MTCL3: variants seen among roughly 807,000 people sequenced by gnomAD.
MTCL3 encodes MTCL family member 3, also known as microtubule cross-linking factor 3.
the MTCL3 span, chr6:127,475,596 G>C: frequency 2.5e-6 from 4 of 1,604,028 alleles, no homozygotes; most frequent in Non-Finnish European, 3.4e-6. This position sits in a 1 kb window ranked among gnomAD's most constrained non-coding sequence, Gnocchi z 7.3. Context: ...GCTGCCGATC[G>C]GAGAAGCTCT....
chr6:127,476,141 C>G, the MTCL3 span: 5 of 1,614,154 alleles, frequency 3.1e-6, no homozygotes, highest in Non-Finnish European at 3.4e-6. The surrounding 1 kb of genome is among the most constrained non-coding windows in gnomAD (Gnocchi z 4.4). Context: ...TTGGCCGAGC[C>G]GTTGAAGTCA....
chr6:127,494,702 G>A, the MTCL3 span, among the ~76,000 whole-genome samples: 1 of 152,144 alleles, frequency 6.6e-6, no homozygotes, highest in Non-Finnish European at 1.5e-5. Flanking sequence ...TTGGAGCAGG[G>A]TATGGGTTAT....
At chr6:127,491,174 C>T in the MTCL3 span, among the ~76,000 whole-genome samples, 1 of 152,198 alleles carries the variant, frequency 6.6e-6, no homozygotes, top group Non-Finnish European at 1.5e-5. Context: ...CATAAACTTC[C>T]TTCATAAAAC....
the MTCL3 span, chr6:127,476,056 T>C: frequency 1.2e-6 from 2 of 1,613,162 alleles, no homozygotes; most frequent in Non-Finnish European, 1.7e-6. The surrounding 1 kb of genome is among the most constrained non-coding windows in gnomAD (Gnocchi z 4.4). Context: ...CCGCAGCAGC[T>C]CCGTCTCGTC....
chr6:127,494,645 A>C, the MTCL3 span, among the ~76,000 whole-genome samples: 1 of 152,240 alleles, frequency 6.6e-6, no homozygotes, highest in African/African-American at 2.4e-5. Flanking sequence ...CTACCAGTGA[A>C]GTAGTTTATG....
At chr6:127,516,862 C>T in the MTCL3 span, among the ~76,000 whole-genome samples, 8 of 152,314 alleles carry the variant, frequency 5.3e-5, no homozygotes, top group Non-Finnish European at 1.0e-4. Flanking sequence ...TGTCAATTCT[C>T]ATTTTGCCCA....
chr6:127,506,331 T>A, the MTCL3 span, among the ~76,000 whole-genome samples: 1 of 152,284 alleles, frequency 6.6e-6, no homozygotes, highest in South Asian at 2.1e-4. Context: ...ATGGATTTTC[T>A]TCATGATTGC....
chr6:127,486,582 A>T, the MTCL3 span, among the ~76,000 whole-genome samples: 2 of 152,180 alleles, frequency 1.3e-5, no homozygotes, highest in African/African-American at 2.4e-5. Context: ...TCAGATTTTC[A>T]TATTTGCTGG....
chr6:127,506,644 G>A, the MTCL3 span, among the ~76,000 whole-genome samples: 1 of 150,182 alleles, frequency 6.7e-6, no homozygotes. Context: ...GTGCAGTGGC[G>A]ATCTTGGCTC....
the MTCL3 span, among the ~76,000 whole-genome samples, chr6:127,497,033 A>T: frequency 3.9e-5 from 6 of 152,208 alleles, no homozygotes; most frequent in African/African-American, 1.4e-4. Context: ...AAGAAATAGG[A>T]ATTAACAATA....
chr6:127,516,417 T>A, the MTCL3 span: 8 of 1,599,918 alleles, frequency 5.0e-6, no homozygotes, highest in Non-Finnish European at 6.8e-6. Context: ...CAGAATTGAG[T>A]TTAGTGCCGG....
the MTCL3 span, among the ~76,000 whole-genome samples, chr6:127,496,849 T>A: frequency 4.6e-5 from 7 of 152,334 alleles, no homozygotes; most frequent in East Asian, 1.2e-3. Context: ...AGGAATGAAC[T>A]ACGGATACAT....
the MTCL3 span, chr6:127,475,443 G>A: frequency 6.2e-7 from 1 of 1,613,066 alleles, no homozygotes; most frequent in East Asian, 2.2e-5. The surrounding 1 kb of genome is among the most constrained non-coding windows in gnomAD (Gnocchi z 7.3). Context: ...TGCGGCTGCC[G>A]TCGTCCTCCT....
the MTCL3 span, chr6:127,476,456 C>A: frequency 6.3e-7 from 1 of 1,586,526 alleles, no homozygotes; most frequent in Non-Finnish European, 8.6e-7. The surrounding 1 kb of genome is among the most constrained non-coding windows in gnomAD (Gnocchi z 4.4). Flanking sequence ...CACTTCAGAT[C>A]TTCATTGTCC....
the MTCL3 span, among the ~76,000 whole-genome samples, chr6:127,482,662 G>A: frequency 8.5e-5 from 13 of 152,080 alleles, no homozygotes; most frequent in Non-Finnish European, 1.3e-4. The surrounding 1 kb of genome is among the most constrained non-coding windows in gnomAD (Gnocchi z 4.1). Context: ...ATATAGCAGC[G>A]TATAAAATAC....
At chr6:127,491,629 C>T in the MTCL3 span, among the ~76,000 whole-genome samples, 1 of 152,000 alleles carries the variant, frequency 6.6e-6, no homozygotes, top group Non-Finnish European at 1.5e-5. Context: ...ACAGAACCTG[C>T]AATATCTCTG....
chr6:127,516,464 G>A, the MTCL3 span: 1 of 1,599,794 alleles, frequency 6.3e-7, no homozygotes, highest in Non-Finnish European at 8.5e-7. Flanking sequence ...ATTGTCTGTC[G>A]CAGCGAACTG....
the MTCL3 span, among the ~76,000 whole-genome samples, chr6:127,488,049 C>T: frequency 1.3e-5 from 2 of 152,038 alleles, no homozygotes; most frequent in Admixed American, 1.3e-4. Flanking sequence ...CCCAAACAAG[C>T]CCTTCAACCT....
At chr6:127,497,175 A>G in the MTCL3 span, among the ~76,000 whole-genome samples, 1 of 152,256 alleles carries the variant, frequency 6.6e-6, no homozygotes, top group Non-Finnish European at 1.5e-5. Flanking sequence ...TAATTATATT[A>G]CATGTAAAAT....
Sources: gnomAD v4.1 joint callset for allele counts (sites outside exome capture counted in the v4.1 genomes callset) on GRCh38, gnomAD v4.1.1 for gene constraint, Gnocchi (gnomAD v3.1) non-coding constraint, MANE v1.5 for transcripts, NCBI Gene and HGNC (gene_info 2026-07-23, HGNC 2026-07-21) for gene names.